Variants in KCNAB2 observed in about 807,000 individuals in gnomAD.
KCNAB2 encodes potassium voltage-gated channel subfamily A regulatory beta subunit 2.
Under a neutral mutation model 63.6 loss-of-function variants are expected in KCNAB2, and 29 were observed. The ratio of observed to expected loss-of-function variants is 0.46; its 90% CI spans 0.34 to 0.62. KCNAB2 has a LOEUF of 0.62. Among genes scored for constraint, KCNAB2 ranks in the 20% least tolerant of loss-of-function variants. KCNAB2 has a pLI of 0.01. For synonymous variants in KCNAB2, 222 were observed against 224.2 expected (o/e 0.99, Z 0.09); for missense variants, 359 against 563.9 (o/e 0.64, Z 3.68).
intron 1 of KCNAB2, among the ~76,000 whole-genome samples, chr1:6,013,462 A>G (rs1388431567): frequency 4.6e-5 from 7 of 152,076 alleles, no homozygotes; most frequent in Non-Finnish European, 7.4e-5. Context: ...CAACCACGCA[A>G]TCCAGGGCTG....
intron 1 of KCNAB2, among the ~76,000 whole-genome samples, chr1:6,040,325 G>C (rs1347868779): frequency 6.6e-6 from 1 of 152,094 alleles, no homozygotes; most frequent in Non-Finnish European, 1.5e-5. Flanking sequence ...CCCCTCCTGA[G>C]CCCGTGGACC....
chr1:6,085,571 C>T (rs1468371696), intron 6 of KCNAB2, among the ~76,000 whole-genome samples: 1 of 152,138 alleles, frequency 6.6e-6, no homozygotes, highest in Non-Finnish European at 1.5e-5. Flanking sequence ...GGCGTGAGAA[C>T]GGGCCTGGGT....
chr1:6,032,356 A>G (rs566708829), upstream of KCNAB2, among the ~76,000 whole-genome samples: 5 of 152,178 alleles, frequency 3.3e-5, no homozygotes, highest in East Asian at 9.6e-4. Context: ...CAAGGCAGGC[A>G]GATCACAAGG....
At chr1:6,044,179 C>A (rs1347822110), upstream of KCNAB2, among the ~76,000 whole-genome samples, 1 of 152,174 alleles carries the variant, frequency 6.6e-6, no homozygotes, top group Non-Finnish European at 1.5e-5. Flanking sequence ...TTGCCCCCAC[C>A]AGTGGGAGGA....
rs530794417 is a variant in KCNAB2, at chr1:5,995,656, T to G, written c.-53+2868T>G. Reference sequence around the variant, plus strand: ...AGATGGCCCCATAGTTAGAGAAGAGTGAGGGCACCAGGTCCGTGGTGGGAT... The same window carrying G: ...AGATGGCCCCATAGTTAGAGAAGAGGGAGGGCACCAGGTCCGTGGTGGGAT... On this transcript the variant is annotated intron_variant, in intron 1 of 16. Coordinates refer to the KCNAB2 transcript ENST00000341524. Among the ~76,000 whole-genome samples, 58 of 151,930 alleles carry G rather than the reference T, an allele frequency of 3.8e-4. No homozygotes were observed. The South Asian group carries it at 0.012, about 31-fold the overall frequency.
intron 7 of KCNAB2, among the ~76,000 whole-genome samples, chr1:6,088,414 T>C (rs1022201404): frequency 6.6e-6 from 1 of 151,814 alleles, no homozygotes. Context: ...ATTTATATTT[T>C]TATTTTTGTA....
At position 6,099,113 on chromosome 1, in the gene KCNAB2, T is replaced by C. The variant is rs1346965672; in HGVS notation, c.*539T>C. 2 of 152,956 alleles carry C rather than the reference T, an allele frequency of 1.3e-5. No homozygotes were observed. Among genetic ancestry groups the C allele is most frequent in the Non-Finnish European group, 2.9e-5 (2 of 68,652 alleles). 9.5% of individuals were successfully genotyped at this position (152,956 alleles called of 1,614,324 possible). A position where few individuals can be genotyped will look rare whatever the true frequency, so the allele number is the denominator to read the frequency against. On this transcript the variant is annotated 3_prime_UTR_variant, in exon 16 of 16. Coordinates refer to ENST00000378083, the MANE Select transcript of KCNAB2 (RefSeq NM_001199862.2). ...GGGGGTCTTCCTCCACCTCCCACTTTCCAAGGGCTCCAGGAATCTGGGGCC... is the reference window on the plus strand; with the variant it reads ...GGGGGTCTTCCTCCACCTCCCACTTCCCAAGGGCTCCAGGAATCTGGGGCC...
intron 2 of KCNAB2, 69 bp downstream of exon 2, chr1:6,051,823 G>A: frequency 6.9e-7 from 1 of 1,458,720 alleles, no homozygotes; most frequent in Non-Finnish European, 9.1e-7. Context: ...GTATAAAAGG[G>A]CTGGGCACGG....
Position 6,051,669 on chromosome 1 carries a change from C to T in KCNAB2, c.133C>T (p.Gln45Ter). The T allele has an allele frequency of 6.5e-7, 1 of 1,533,970 alleles. No homozygotes were observed. Among genetic ancestry groups the T allele is most frequent in the South Asian group, 1.2e-5 (1 of 83,972 alleles). The change falls in exon 2 of 16, where the codon CAG becomes TAG. Residue 45 changes from glutamine (Q) to a stop codon, truncating the protein, a stop_gained. Coordinates refer to ENST00000378083, the MANE Select transcript of KCNAB2 (RefSeq NM_001199862.2). LOFTEE classifies it high-confidence loss of function. ...QRLREVRAAAQARNMESFLRM... is the reference protein window; with the variant it reads ...QRLREVRAAA Reference sequence around the variant, plus strand: ...GCTGCGGGAGGTGCGGGCGGCTGCCCAGGCCAGGAACATGGAGAGCTTCCT... The same window carrying T: ...GCTGCGGGAGGTGCGGGCGGCTGCCTAGGCCAGGAACATGGAGAGCTTCCT...
At chr1:6,090,687 C>G (rs1309173187) in intron 9 of KCNAB2, among the ~76,000 whole-genome samples, 1 of 152,160 alleles carries the variant, frequency 6.6e-6, no homozygotes, top group Admixed American at 6.5e-5. Flanking sequence ...CCAGGTGCAC[C>G]TGGCACCTCC....
chr1:6,070,198 C>T (rs544319462), intron 2 of KCNAB2, among the ~76,000 whole-genome samples: 3 of 152,276 alleles, frequency 2.0e-5, no homozygotes, highest in African/African-American at 7.2e-5. Flanking sequence ...AAGCAAGGTT[C>T]GTTCTGAGGG....
At chr1:6,090,367 C>T (rs1473220237) in intron 8 of KCNAB2, 22 bp from the exon 9 acceptor site, 13 of 1,575,416 alleles carry the variant, frequency 8.3e-6, no homozygotes, top group Non-Finnish European at 1.1e-5. Flanking sequence ...CAGTGACGCC[C>T]CCCCACCTGG....
chr1:6,017,438 G>A (rs12066874), intron 1 of KCNAB2, among the ~76,000 whole-genome samples: 21 of 128,218 alleles, frequency 1.6e-4, no homozygotes, highest in African/African-American at 4.9e-4. Context: ...GTGTGTGTGT[G>A]TATTTTTAGT....
chr1:6,087,473 C>T lies in KCNAB2; in HGVS notation c.432C>T (p.Ser144=). ...TTTCTCTTCTGTTCCACAGGCGGTC[C>T]AGCCTCGTCATCACCACCAAGATCT... ...NIIKKKGWRR[S]SLVITTKIFW... is the part of the protein sequence containing the mutation. The change falls in exon 7 of 16, where the codon TCC becomes TCT. Residue 144 remains serine (S), a synonymous_variant. Coordinates refer to ENST00000378083, the MANE Select transcript of KCNAB2 (RefSeq NM_001199862.2). This position sits in a 1 kb window ranked among gnomAD's most constrained non-coding sequence, Gnocchi z 6.4. The T allele has an allele frequency of 6.2e-7, 1 of 1,614,196 alleles. No homozygotes were observed. The highest frequency in any genetic ancestry group is 1.1e-5 in the South Asian group (1 of 91,088).
intron 1 of KCNAB2, among the ~76,000 whole-genome samples, chr1:6,022,829 T>C (rs1301553779): frequency 6.6e-6 from 1 of 152,122 alleles, no homozygotes; most frequent in Non-Finnish European, 1.5e-5. Context: ...TTCCTTCCTT[T>C]GTATGACTGA....
At chr1:6,032,837 G>A (rs368413886), upstream of KCNAB2, among the ~76,000 whole-genome samples, 1 of 152,114 alleles carries the variant, frequency 6.6e-6, no homozygotes, top group Non-Finnish European at 1.5e-5. Flanking sequence ...CAAATCCAAA[G>A]CAAGGGACTG....
chr1:6,043,617 CTTTG>C (rs1451948738), upstream of KCNAB2, among the ~76,000 whole-genome samples: 1 of 152,196 alleles, frequency 6.6e-6, no homozygotes, highest in Non-Finnish European at 1.5e-5. Context: ...GGGCTAGGGT[CTTTG>C]TTTGTTAACA....
At chr1:6,025,903 A>C (rs990910527) in intron 1 of KCNAB2, 1 of 150,862 alleles carries the variant, frequency 6.6e-6, no homozygotes, top group African/African-American at 2.5e-5. Flanking sequence ...CACACAGCCG[A>C]TCCCGGCACA....
chr1:6,083,603 G>C (rs943197317), intron 5 of KCNAB2, among the ~76,000 whole-genome samples: 9 of 152,198 alleles, frequency 5.9e-5, no homozygotes, highest in Non-Finnish European at 1.3e-4. Flanking sequence ...CTCTGCTCCT[G>C]GGCCGGCCAC....
Sources: allele counts gnomAD v4.1 joint callset (sites outside exome capture counted in the v4.1 genomes callset), GRCh38; gene constraint gnomAD v4.1.1; non-coding constraint Gnocchi (gnomAD v3.1); transcripts MANE v1.5; gene names NCBI Gene and HGNC (gene_info 2026-07-23, HGNC 2026-07-21).